The following SEM1 variants were observed in gnomAD, a reference collection of about 807,000 sequenced individuals.
SEM1 encodes the protein SEM1 26S proteasome subunit.
A neutral mutation model predicts 12.7 loss-of-function variants in SEM1; 3 were observed. The observed-to-expected ratio is 0.24, with a 90% confidence interval of 0.11 to 0.61. The LOEUF is 0.61. SEM1 is among the 20% of genes least tolerant of loss of function. The probability of loss-of-function intolerance (pLI) is 0.88; values close to 1 mark genes in which losing one functional copy is unlikely to be tolerated. For missense variants in SEM1, 59 were observed against 81.3 expected (o/e 0.73, Z 1.06); for synonymous variants, 30 against 27.8 (o/e 1.08, Z -0.25).
At chr7:96,699,106 A>G (rs1790191839) in intron 1 of SEM1, among the ~76,000 whole-genome samples, 1 of 152,068 alleles carries the variant, frequency 6.6e-6, no homozygotes, top group African/African-American at 2.4e-5. Flanking sequence ...TACTGAGTCA[A>G]GGGTATCCAA....
chr7:96,527,781 C>T (rs1044048074), intron 2 of SEM1, among the ~76,000 whole-genome samples: 10 of 152,114 alleles, frequency 6.6e-5, no homozygotes, highest in African/African-American at 2.4e-4. Flanking sequence ...TTATACCCTG[C>T]TTAGCTGTTG....
chr7:96,535,591 T>C (rs1804763706), intron 2 of SEM1, among the ~76,000 whole-genome samples: 1 of 151,832 alleles, frequency 6.6e-6, no homozygotes, highest in Non-Finnish European at 1.5e-5. Flanking sequence ...CCCAACAGTT[T>C]CTTTTCTCTG....
At chr7:96,598,707 G>A (rs1320222264) in intron 2 of SEM1, among the ~76,000 whole-genome samples, 1 of 152,180 alleles carries the variant, frequency 6.6e-6, no homozygotes, top group Non-Finnish European at 1.5e-5. Context: ...GATCTGAAGA[G>A]TGTAGAACTA....
intron 2 of SEM1, among the ~76,000 whole-genome samples, chr7:96,630,103 T>C (rs1459600920): frequency 6.6e-6 from 1 of 152,200 alleles, no homozygotes; most frequent in Non-Finnish European, 1.5e-5. Flanking sequence ...CATTGGGTGT[T>C]GCCCAAGGCT....
At chr7:96,655,986 C>T (rs1318155704) in intron 2 of SEM1, among the ~76,000 whole-genome samples, 1 of 152,166 alleles carries the variant, frequency 6.6e-6, no homozygotes, top group African/African-American at 2.4e-5. Context: ...CAGATTCCCA[C>T]AACAGATTCT....
exon 4 of SEM1, chr7:96,483,567 C>T: frequency 2.5e-6 from 1 of 407,724 alleles, no homozygotes. Flanking sequence ...CTACTGGGCT[C>T]TATTTTCACT....
At chr7:96,606,928 A>G (rs1476851567) in intron 2 of SEM1, among the ~76,000 whole-genome samples, 5 of 152,234 alleles carry the variant, frequency 3.3e-5, no homozygotes, top group African/African-American at 4.8e-5. Flanking sequence ...GTCACTGTAC[A>G]GAAGAGCTTT....
At chr7:96,692,016 G>A (rs1789944718) in intron 2 of SEM1, among the ~76,000 whole-genome samples, 1 of 152,056 alleles carries the variant, frequency 6.6e-6, no homozygotes. Context: ...AACAACAACA[G>A]TGAAAAAACA....
intron 2 of SEM1, among the ~76,000 whole-genome samples, chr7:96,680,909 A>G (rs545757358): frequency 6.6e-6 from 1 of 151,918 alleles, no homozygotes; most frequent in Non-Finnish European, 1.5e-5. Flanking sequence ...AGCAGTGAAC[A>G]AAAAATCAGG....
chr7:96,581,879 A>G (rs894968096), intron 2 of SEM1, among the ~76,000 whole-genome samples: 4 of 152,012 alleles, frequency 2.6e-5, no homozygotes, highest in African/African-American at 9.7e-5. Flanking sequence ...GGGCTGAGAC[A>G]ATGGGGTTTT....
chr7:96,537,727 T>C (rs570567611), intron 2 of SEM1, among the ~76,000 whole-genome samples: 1 of 151,820 alleles, frequency 6.6e-6, no homozygotes, highest in East Asian at 1.9e-4. Flanking sequence ...TATGCCTAGA[T>C]TTTTTGTTTC....
intron 2 of SEM1, among the ~76,000 whole-genome samples, chr7:96,572,756 C>T (rs1488617964): frequency 6.6e-5 from 10 of 152,282 alleles, no homozygotes; most frequent in Admixed American, 5.2e-4. Flanking sequence ...AATGTATACT[C>T]TGTTGATTTG....
rs146009846 is a variant in SEM1, at chr7:96,512,781, A to C, written c.171-6083T>G. 3.9e-4 allele frequency among the ~76,000 whole-genome samples: 59 copies of C among 152,182 alleles called. No individual in the cohort carries two copies. In the East Asian group the frequency reaches 0.01, roughly 27 times the overall value. On this transcript the variant is annotated intron_variant and NMD_transcript_variant, in intron 2 of 3. Transcript: ENST00000466986. Reference sequence around the variant, plus strand: ...AAGCATAAAAAGTCTGTTATACCTGATGGGAGGGGCCACTGGTTAGGAGAA... The same window carrying C: ...AAGCATAAAAAGTCTGTTATACCTGCTGGGAGGGGCCACTGGTTAGGAGAA...
exon 3 of SEM1, chr7:96,673,775 A>G (rs1452456826): frequency 1.3e-6 from 1 of 765,330 alleles, no homozygotes; most frequent in Non-Finnish European, 2.4e-6. Context: ...AGCAGAGGAA[A>G]GCACTGCACA....
chr7:96,632,204 G>A (rs1808283714), intron 2 of SEM1, among the ~76,000 whole-genome samples: 2 of 152,240 alleles, frequency 1.3e-5, no homozygotes, highest in South Asian at 4.1e-4. Context: ...CCATTACTGG[G>A]TATATTCCCA....
At position 96,571,904 on chromosome 7, in the gene SEM1, C is replaced by T. The variant is rs202140785; in HGVS notation, c.171-65206G>A. On this transcript the variant is annotated intron_variant and NMD_transcript_variant, in intron 2 of 3. Coordinates refer to the SEM1 transcript ENST00000466986. Reference sequence around the variant, plus strand: ...CTCTTTTAGAACTGGGCTGTGAATCCGTCTGGTCCTGGGCTTTTTTTGGTT... The same window carrying T: ...CTCTTTTAGAACTGGGCTGTGAATCTGTCTGGTCCTGGGCTTTTTTTGGTT... Among the ~76,000 whole-genome samples the T allele has an allele frequency of 1.1e-3, 171 of 152,000 alleles. 4 individuals carry two copies. In the East Asian group the frequency reaches 0.023, roughly 21 times the overall value.
Position 96,613,546 on chromosome 7 carries a change from T to C in SEM1, c.170+81252A>G, listed in dbSNP as rs140788340. ...AATAATTATCATTTCTTTGTGGTAA[T>C]ACTATTTACAATCCTTGCTTTTAGC... On this transcript the variant is annotated intron_variant and NMD_transcript_variant, in intron 2 of 3. Transcript: ENST00000466986. 8.0e-3 allele frequency among the ~76,000 whole-genome samples: 1,220 copies of C among 152,346 alleles called. 11 individuals carry two copies. The highest frequency in any genetic ancestry group is 0.011 in the Non-Finnish European group (743 of 68,036).
At chr7:96,525,655 A>G (rs1235395936) in intron 2 of SEM1, among the ~76,000 whole-genome samples, 2 of 152,134 alleles carry the variant, frequency 1.3e-5, no homozygotes, top group African/African-American at 4.8e-5. Flanking sequence ...TGATCCTATA[A>G]AGCAGGGGTC....
At chr7:96,623,436 ATATT>A (rs1056523053) in intron 2 of SEM1, among the ~76,000 whole-genome samples, 2 of 147,810 alleles carry the variant, frequency 1.4e-5, no homozygotes, top group African/African-American at 4.9e-5. Context: ...CTCTCTCTAT[ATATT>A]TAAATTATAT....
Sources: allele counts gnomAD v4.1 joint callset (sites outside exome capture counted in the v4.1 genomes callset), GRCh38; gene constraint gnomAD v4.1.1; transcripts MANE v1.5; gene names NCBI Gene and HGNC (gene_info 2026-07-23, HGNC 2026-07-21).